The following TSPEAR variants were observed in gnomAD, a reference collection of about 807,000 sequenced individuals.
The protein encoded by TSPEAR is thrombospondin type laminin G domain and EAR repeats, also known as thrombospondin-type laminin G domain and EAR repeat-containing protein.
TSPEAR carries 69 observed loss-of-function variants against 71.6 expected under a neutral mutation model. That is an observed-to-expected ratio of 0.96 (90% CI 0.79 to 1.18). TSPEAR has a LOEUF of 1.18. Ranked by LOEUF, TSPEAR falls within the 50% of genes most tolerant of loss-of-function variation. The pLI, the probability that TSPEAR is intolerant of heterozygous loss-of-function variation, is 0.00. For missense variants in TSPEAR, 971 were observed against 894.9 expected, an observed-to-expected ratio of 1.09 and a Z score of -1.09; for synonymous variants, 402 against 387.2, an observed-to-expected ratio of 1.04 and a Z score of -0.45.
intron 1 of TSPEAR, among the ~76,000 whole-genome samples, chr21:44,651,030 G>T (rs1170046682): frequency 6.6e-6 from 1 of 152,212 alleles, no homozygotes; most frequent in East Asian, 1.9e-4. Context: ...GTGGACTCAG[G>T]CTCTGCAGTA....
At chr21:44,505,057 T>C (rs1046140805) in intron 10 of TSPEAR, among the ~76,000 whole-genome samples, 176 bp from the exon 11 acceptor site, 1 of 152,186 alleles carries the variant, frequency 6.6e-6, no homozygotes, top group African/African-American at 2.4e-5. Context: ...ATTAGTTGTT[T>C]GCTTAAAAAA....
intron 1 of TSPEAR, chr21:44,677,962 T>C: frequency 7.9e-7 from 1 of 1,263,942 alleles, no homozygotes; most frequent in Non-Finnish European, 1.1e-6. Flanking sequence ...TTGCCAGTAG[T>C]CAACCACAGA....
chr21:44,550,460 G>A lies in TSPEAR; in HGVS notation c.304-16537C>T, dbSNP rs587693160. On this transcript the variant is annotated intron_variant, in intron 2 of 11. Coordinates refer to ENST00000323084, the MANE Select transcript of TSPEAR (RefSeq NM_144991.3). ...ATCCCCAACCAGCGACCAGCGACCA[G>A]CGGAGGGTTGTGGTCTGCAGCCAGG... The A allele has an allele frequency of 3.9e-5, 28 of 714,636 alleles. No homozygotes were observed. The East Asian group carries it at 7.7e-4, about 20-fold the overall frequency. 44.3% of individuals were successfully genotyped at this position (714,636 alleles called of 1,614,324 possible).
At chr21:44,504,403 C>CA (rs1555911604) in intron 11 of TSPEAR, among the ~76,000 whole-genome samples, 3 of 122,774 alleles carry the variant, frequency 2.4e-5, no homozygotes, top group African/African-American at 3.1e-5. Flanking sequence ...GGTGAGCCCT[C>CA]GGGGGAAGCA....
chr21:44,618,846 C>T (rs1311403121), intron 1 of TSPEAR, among the ~76,000 whole-genome samples: 1 of 152,144 alleles, frequency 6.6e-6, no homozygotes, highest in Non-Finnish European at 1.5e-5. Flanking sequence ...GTCACTGACA[C>T]CTAAGTCAAA....
chr21:44,654,547 C>T, intron 1 of TSPEAR: 1 of 1,611,258 alleles, frequency 6.2e-7, no homozygotes. Flanking sequence ...GTAGCAGGTG[C>T]TGGGGACACA....
At chr21:44,703,081 T>C in intron 1 of TSPEAR, among the ~76,000 whole-genome samples, 1 of 152,088 alleles carries the variant, frequency 6.6e-6, no homozygotes, top group African/African-American at 2.4e-5. Flanking sequence ...CCTGCCCTTC[T>C]CCTCCAAGCC....
rs1030517173 is a variant in TSPEAR at position 44,509,129 on chromosome 21, A to C, written c.1754+70T>G. The C allele has an allele frequency of 3.7e-5, 57 of 1,528,328 alleles. 1 individual carries two copies. In the African/African-American group the frequency reaches 6.9e-4, roughly 19 times the overall value. The allele number at this position is 1,528,328 out of a possible 1,614,324, so 94.7% of individuals were successfully genotyped here. A position where few individuals can be genotyped will look rare whatever the true frequency, so the allele number is the denominator to read the frequency against. On this transcript the variant is annotated intron_variant, in intron 10 of 11. Transcript: ENST00000323084. The stretch of plus-strand genomic sequence containing the variant: ...CGGGAAGGGTGGTGAGGATGAGCCT[A>C]ACGGGGATTCCGACATGGTGGGCCT...
In TSPEAR at chr21:44,533,723, G is replaced by A. The variant is rs782555405; in HGVS notation, c.504C>T (p.Val168=). 31 of 1,611,652 alleles carry A rather than the reference G, an allele frequency of 1.9e-5. No homozygotes were observed. The highest frequency in any genetic ancestry group is 2.6e-5 in the Non-Finnish European group (31 of 1,179,350). ...GGCCGCAGTCCGTGGTGAGGGAGAA[G>A]ACGCCTGCGGACACAGCCAGGACCA... The part of the protein sequence containing the change: ...HTLVLAVSAG[V]FSLTTDCGLP... Residue 168 remains valine, a synonymous_variant, in exon 3 of 12, where the codon GTC becomes GTT. Transcript: ENST00000323084.
chr21:44,645,089 T>A (rs1484119880), intron 1 of TSPEAR, among the ~76,000 whole-genome samples: 4 of 152,238 alleles, frequency 2.6e-5, no homozygotes, highest in Non-Finnish European at 5.9e-5. Flanking sequence ...TCATTATAAA[T>A]GTGAGGATAA....
At chr21:44,601,395 C>T (rs782507250) in intron 1 of TSPEAR, 1 of 1,612,520 alleles carries the variant, frequency 6.2e-7, no homozygotes, top group South Asian at 1.1e-5. Context: ...GCTGCACCTC[C>T]TCCCAAAGCC....
Position 44,676,730 on chromosome 21 carries a change from C to T in TSPEAR, c.82+34703G>A, listed in dbSNP as rs587744370. 50 of 784,540 alleles carry T rather than the reference C, an allele frequency of 6.4e-5. No individual in the cohort carries two copies. The Middle Eastern group carries it at 9.2e-4, about 14-fold the overall frequency. The allele number at this position is 784,540 out of a possible 1,614,324, so 48.6% of individuals were successfully genotyped here. ...ATTTCATTCTCCATGGCATCTCTGA[C>T]TTCCTCTACGTTTCTGTCCTATTCA... On this transcript the variant is annotated intron_variant, in intron 1 of 11. Coordinates refer to ENST00000323084, the MANE Select transcript of TSPEAR (RefSeq NM_144991.3).
At chr21:44,636,563 A>C (rs1983580595) in intron 1 of TSPEAR, among the ~76,000 whole-genome samples, 1 of 152,196 alleles carries the variant, frequency 6.6e-6, no homozygotes, top group African/African-American at 2.4e-5. Flanking sequence ...GTGCAAACAT[A>C]GAGTAAGACC....
At chr21:44,563,619 T>A (rs2053667737) in intron 2 of TSPEAR, among the ~76,000 whole-genome samples, 1 of 152,032 alleles carries the variant, frequency 6.6e-6, no homozygotes, top group African/African-American at 2.4e-5. Flanking sequence ...CAGAACCATA[T>A]AAAACATATG....
At chr21:44,697,295 T>C (rs1452415033) in intron 1 of TSPEAR, 1 of 1,613,890 alleles carries the variant, frequency 6.2e-7, no homozygotes, top group African/African-American at 1.3e-5. Context: ...GGTGGACGAC[T>C]GCCCAGAGAG....
In TSPEAR at chr21:44,513,156, C is replaced by T. The variant is rs1042937058; in HGVS notation, c.1567-3770G>A. ...CCACGGGGTGTCACCGGCTCCTGGT[C>T]CCAGCATTTAGCTGGCCGAGTCCAC... On this transcript the variant is annotated intron_variant, in intron 9 of 11. Coordinates refer to ENST00000323084, the MANE Select transcript of TSPEAR (RefSeq NM_144991.3). Among the ~76,000 whole-genome samples the T allele has an allele frequency of 2.6e-5, 4 of 152,228 alleles. No homozygotes were observed. The South Asian group carries it at 8.3e-4, about 31-fold the overall frequency.
chr21:44,697,976 G>A (rs782367287), intron 1 of TSPEAR: 10 of 1,586,040 alleles, frequency 6.3e-6, no homozygotes, highest in African/African-American at 1.3e-5. Flanking sequence ...CTGCTGCCAG[G>A]CATGTCCCCC....
intron 2 of TSPEAR, among the ~76,000 whole-genome samples, chr21:44,566,303 A>C (rs879957820): frequency 2.6e-5 from 4 of 152,202 alleles, no homozygotes; most frequent in Admixed American, 6.5e-5. Flanking sequence ...AATAATTATA[A>C]AACTTATACT....
chr21:44,526,374 G>A (rs1050468278), intron 7 of TSPEAR, among the ~76,000 whole-genome samples: 2 of 152,074 alleles, frequency 1.3e-5, no homozygotes, highest in Non-Finnish European at 1.5e-5. Flanking sequence ...ATGAACCTAC[G>A]TACTTGCTTG....
Sources: gnomAD v4.1 joint callset for allele counts (sites outside exome capture counted in the v4.1 genomes callset) on GRCh38, gnomAD v4.1.1 for gene constraint, MANE v1.5 for transcripts, NCBI Gene and HGNC (gene_info 2026-07-23, HGNC 2026-07-21) for gene names.